SUSD4: variants seen among roughly 807,000 people sequenced by gnomAD.
SUSD4 encodes the protein sushi domain-containing protein 4.
SUSD4 carries 41 observed loss-of-function variants against 50.5 expected under a neutral mutation model. That is an observed-to-expected ratio of 0.81 (90% CI 0.63 to 1.05). SUSD4 has a LOEUF of 1.05. Among genes scored for constraint, SUSD4 ranks in the 50% least tolerant of loss-of-function variants. The probability of loss-of-function intolerance (pLI) is 0.00; values close to 1 mark genes in which losing one functional copy is unlikely to be tolerated. For synonymous variants in SUSD4, 257 were observed against 257.3 expected (o/e 1.00, Z 0.01); for missense variants, 580 against 634.7 (o/e 0.91, Z 0.93).
chr1:223,331,864 A>G (rs1225658442), intron 2 of SUSD4, among the ~76,000 whole-genome samples: 2 of 152,104 alleles, frequency 1.3e-5, no homozygotes, highest in Admixed American at 1.3e-4. Context: ...CACCCTGCAA[A>G]CCCACTGAAG....
intron 3 of SUSD4, among the ~76,000 whole-genome samples, chr1:223,290,487 C>T (rs1664418951): frequency 6.6e-6 from 1 of 152,174 alleles, no homozygotes; most frequent in African/African-American, 2.4e-5. Context: ...GTAATATCTG[C>T]TCTTCCAAAC....
At chr1:223,256,130 C>G (rs147682948) in intron 5 of SUSD4, among the ~76,000 whole-genome samples, 13 of 152,312 alleles carry the variant, frequency 8.5e-5, no homozygotes, top group Non-Finnish European at 1.6e-4. Context: ...TGGGGCAGAT[C>G]ACATGGTATT....
At chr1:223,319,305 G>T (rs1304189817) in intron 2 of SUSD4, among the ~76,000 whole-genome samples, 2 of 136,248 alleles carry the variant, frequency 1.5e-5, no homozygotes, top group African/African-American at 2.8e-5. Flanking sequence ...TTGACAAATG[G>T]GATCTAATTA....
chr1:223,236,564 T>C (rs761074875), intron 5 of SUSD4, among the ~76,000 whole-genome samples: 3 of 152,062 alleles, frequency 2.0e-5, no homozygotes, highest in Non-Finnish European at 4.4e-5. Flanking sequence ...TTTTTTGTTT[T>C]TGTATGTGGA....
chr1:223,329,581 C>T (rs1667061842), intron 2 of SUSD4, among the ~76,000 whole-genome samples: 1 of 152,208 alleles, frequency 6.6e-6, no homozygotes, highest in Non-Finnish European at 1.5e-5. Flanking sequence ...GCACACACTC[C>T]TGATTTGGCT....
chr1:223,328,788 G>A (rs1471650932), intron 2 of SUSD4, among the ~76,000 whole-genome samples: 1 of 152,178 alleles, frequency 6.6e-6, no homozygotes, highest in African/African-American at 2.4e-5. Flanking sequence ...TGGTAGACCA[G>A]CTGGCACCTC....
intron 2 of SUSD4, among the ~76,000 whole-genome samples, chr1:223,360,772 A>C (rs1668930396): frequency 6.6e-6 from 1 of 152,176 alleles, no homozygotes; most frequent in Non-Finnish European, 1.5e-5. Context: ...TCCACATTTC[A>C]GAACAGTGTC....
At chr1:223,342,094 C>A (rs951952046) in intron 2 of SUSD4, among the ~76,000 whole-genome samples, 1 of 152,106 alleles carries the variant, frequency 6.6e-6, no homozygotes, top group Admixed American at 6.5e-5. Context: ...GAGGTCTGCC[C>A]TGGTGGACCA....
intron 2 of SUSD4, among the ~76,000 whole-genome samples, chr1:223,309,012 T>C (rs1665717542): frequency 6.6e-6 from 1 of 152,236 alleles, no homozygotes; most frequent in African/African-American, 2.4e-5. Context: ...AAGACTTGTA[T>C]AGAGTATGTC....
intron 4 of SUSD4, 22 bp from the exon 5 acceptor site, chr1:223,264,840 G>C (rs1445626102): frequency 1.2e-6 from 2 of 1,607,504 alleles, no homozygotes; most frequent in Non-Finnish European, 1.7e-6. Context: ...GAAAGAAAAA[G>C]GGAAAGATTC....
At position 223,279,442 on chromosome 1, in the gene SUSD4, C is replaced by T. The variant is rs545384994; in HGVS notation, c.362-10767G>A. 4.6e-5 allele frequency among the ~76,000 whole-genome samples: 7 copies of T among 152,168 alleles called. 1 individual carries two copies. In the South Asian group the frequency reaches 1.0e-3, roughly 23 times the overall value. ...TGACAAATGCACAAGCTTCAGTAGC[C>T]GATTCGATCAACTGGAAGAAAGGGT... On this transcript the variant is annotated intron_variant, in intron 3 of 8. Coordinates refer to ENST00000366878, the MANE Select transcript of SUSD4 (RefSeq NM_017982.4).
At chr1:223,304,174 C>G (rs113382981) in intron 2 of SUSD4, among the ~76,000 whole-genome samples, 47,155 of 152,060 alleles carry the variant, frequency 0.31, 9,174 homozygotes, top group Non-Finnish European at 0.44. Flanking sequence ...GCATTCCATT[C>G]CCAGAGCTAT....
At chr1:223,272,070 T>C (rs1368331139) in intron 3 of SUSD4, among the ~76,000 whole-genome samples, 2 of 152,146 alleles carry the variant, frequency 1.3e-5, no homozygotes, top group South Asian at 2.1e-4. Context: ...CTACTAAAAA[T>C]ATAAAACTTA....
intron 7 of SUSD4, among the ~76,000 whole-genome samples, chr1:223,225,844 A>G (rs1413209478): frequency 1.3e-5 from 2 of 152,090 alleles, no homozygotes; most frequent in Non-Finnish European, 2.9e-5. Flanking sequence ...CCCCTCGTCA[A>G]CATCCCTGCA....
intron 2 of SUSD4, among the ~76,000 whole-genome samples, chr1:223,340,598 C>A (rs192125949): frequency 2.0e-5 from 3 of 152,166 alleles, no homozygotes; most frequent in Non-Finnish European, 4.4e-5. Flanking sequence ...AGCTTCTGTC[C>A]GCAGTCATGA....
intron 5 of SUSD4, among the ~76,000 whole-genome samples, chr1:223,239,743 C>T (rs138272715): frequency 1.3e-5 from 2 of 151,508 alleles, no homozygotes; most frequent in African/African-American, 4.8e-5. Flanking sequence ...GTGTAATATA[C>T]CTAAGTATAT....
chr1:223,313,507 T>C (rs1572038164), intron 2 of SUSD4, among the ~76,000 whole-genome samples: 1 of 152,188 alleles, frequency 6.6e-6, no homozygotes, highest in Non-Finnish European at 1.5e-5. Flanking sequence ...TCCTGAGTTC[T>C]GTGAGTTGTT....
At chr1:223,239,252 T>TA (rs1307166758) in intron 5 of SUSD4, among the ~76,000 whole-genome samples, 6 of 152,056 alleles carry the variant, frequency 3.9e-5, no homozygotes, top group Admixed American at 3.9e-4. Flanking sequence ...GGGTTTCTTG[T>TA]AAAAAACAGA....
At chr1:223,325,986 C>G (rs185773264) in intron 2 of SUSD4, among the ~76,000 whole-genome samples, 1 of 152,084 alleles carries the variant, frequency 6.6e-6, no homozygotes, top group Admixed American at 6.5e-5. Context: ...CATCAAAATA[C>G]CAAAATCATT....
Sources: gnomAD v4.1 joint callset for allele counts (sites outside exome capture counted in the v4.1 genomes callset) on GRCh38, gnomAD v4.1.1 for gene constraint, MANE v1.5 for transcripts, NCBI Gene and HGNC (gene_info 2026-07-23, HGNC 2026-07-21) for gene names.